Variants in XRN1 observed in about 807,000 individuals in gnomAD.
XRN1 encodes the protein strand-exchange protein 1 homolog.
XRN1 carries 67 observed loss-of-function variants against 222.3 expected under a neutral mutation model. That is an observed-to-expected ratio of 0.30 (90% CI 0.25 to 0.37). The LOEUF (loss-of-function observed/expected upper bound fraction) is 0.37, where lower values mean the gene tolerates loss of function less well. Among genes scored for constraint, XRN1 ranks in the 10% least tolerant of loss-of-function variants. The pLI, the probability that XRN1 is intolerant of heterozygous loss-of-function variation, is 1.00. For synonymous variants in XRN1, 643 were observed against 652.4 expected (o/e 0.99, Z 0.22); for missense variants, 1,707 against 2,000.2 (o/e 0.85, Z 2.80).
intron 1 of XRN1, among the ~76,000 whole-genome samples, chr3:142,438,582 C>T (rs1405307279): frequency 6.6e-6 from 1 of 152,068 alleles, no homozygotes; most frequent in Non-Finnish European, 1.5e-5. Context: ...AAACGTTCTC[C>T]CCCACAAGGC....
chr3:142,439,882 T>C (rs977281903), intron 1 of XRN1, among the ~76,000 whole-genome samples: 2 of 152,142 alleles, frequency 1.3e-5, no homozygotes, highest in Non-Finnish European at 2.9e-5. Flanking sequence ...AAGGACACTT[T>C]AAAAAAGATT....
chr3:142,381,794 T>C (rs1350892248), intron 22 of XRN1, among the ~76,000 whole-genome samples: 1 of 152,120 alleles, frequency 6.6e-6, no homozygotes, highest in African/African-American at 2.4e-5. Context: ...CTCGAACTCC[T>C]GGCCTCAAGT....
intron 29 of XRN1, among the ~76,000 whole-genome samples, chr3:142,364,447 T>C (rs2066754266): frequency 6.6e-6 from 1 of 152,210 alleles, no homozygotes; most frequent in African/African-American, 2.4e-5. Context: ...TCTGATTTTT[T>C]TTTTCACCAT....
In XRN1 at chr3:142,367,671, G is replaced by C. The variant is rs368549664; in HGVS notation, c.3205-2305C>G. Among the ~76,000 whole-genome samples, 7 of 151,854 alleles carry C rather than the reference G, an allele frequency of 4.6e-5. No individual in the cohort carries two copies. In the East Asian group the frequency reaches 1.4e-3, roughly 29 times the overall value. On this transcript the variant is annotated intron_variant, in intron 27 of 40. Transcript: ENST00000392981. ...AGTAATTCTCCTGCCTTGGCCTCCC[G>C]AGTAGCCAGGACCACAGGCGTGTGC...
Position 142,380,186 on chromosome 3 carries a change from A to G in XRN1, c.2617-6T>C, listed in dbSNP as rs753354086. ...ACATCACCTGAATCCTGAACCTTAG[A>G]AGAAAAAAAAATCACAGTATAGTCT... On this transcript the variant is annotated splice_region_variant and splice_polypyrimidine_tract_variant and intron_variant, in intron 22 of 40. Coordinates refer to ENST00000392981, the MANE Select transcript of XRN1 (RefSeq NM_001282857.2). 1.3e-5 allele frequency: 21 copies of G among 1,610,400 alleles called. No individual in the cohort carries two copies. In the South Asian group the frequency reaches 2.3e-4, roughly 18 times the overall value.
At chr3:142,395,971 CTGACTA>C (rs941066078) in intron 20 of XRN1, among the ~76,000 whole-genome samples, 1 of 152,144 alleles carries the variant, frequency 6.6e-6, no homozygotes, top group Admixed American at 6.5e-5. Flanking sequence ...GAAACTGTCC[CTGACTA>C]TGACAAATTC....
At chr3:142,364,761 C>T (rs953737159) in intron 29 of XRN1, among the ~76,000 whole-genome samples, 1 of 152,050 alleles carries the variant, frequency 6.6e-6, no homozygotes, top group Admixed American at 6.5e-5. Flanking sequence ...CATATGTATG[C>T]TCACCAAGAT....
intron 1 of XRN1, among the ~76,000 whole-genome samples, chr3:142,446,590 A>C (rs187951013): frequency 6.6e-6 from 1 of 152,372 alleles, no homozygotes; most frequent in East Asian, 1.9e-4. Context: ...GTATTAAATC[A>C]TCACGAATAA....
intron 18 of XRN1, among the ~76,000 whole-genome samples, chr3:142,402,619 A>G (rs924362321): frequency 6.6e-6 from 1 of 152,204 alleles, no homozygotes; most frequent in Non-Finnish European, 1.5e-5. Context: ...TATTGCTTAC[A>G]ATGAATGACT....
rs932041338 is a variant in XRN1 at position 142,330,170 on chromosome 3, T to A, written c.4223-555A>T. ...AAATGGCTTTCTTGTTTTGCAGAAG[T>A]AAGAAGAGAAAAATAAAAGAATGAA... On this transcript the variant is annotated intron_variant, in intron 36 of 40. Coordinates refer to ENST00000392981, the MANE Select transcript of XRN1 (RefSeq NM_001282857.2). 1.2e-4 allele frequency among the ~76,000 whole-genome samples: 19 copies of A among 152,252 alleles called. No individual in the cohort carries two copies. In the South Asian group the frequency reaches 2.1e-3, roughly 17 times the overall value.
chr3:142,362,080 T>G (rs1298703105), intron 29 of XRN1, among the ~76,000 whole-genome samples: 1 of 149,030 alleles, frequency 6.7e-6, no homozygotes, highest in Admixed American at 6.8e-5. Flanking sequence ...GAGATTCTCC[T>G]GCCTCAGCCT....
At chr3:142,439,710 T>C (rs1049662956) in intron 1 of XRN1, among the ~76,000 whole-genome samples, 3 of 150,138 alleles carry the variant, frequency 2.0e-5, no homozygotes, top group African/African-American at 7.4e-5. Flanking sequence ...TTTTTTATAA[T>C]AGAGATCAGG....
chr3:142,404,898 T>A lies in XRN1; in HGVS notation c.1883+9A>T. 1 of 1,613,572 alleles carries A rather than the reference T, an allele frequency of 6.2e-7. No homozygotes were observed. The highest frequency in any genetic ancestry group is 8.5e-7 in the Non-Finnish European group (1 of 1,179,768). ...CTTTTGTTGTTGAAAAATTACCAAG[T>A]AACATTACCTTGTACAACATCGTTC... On this transcript the variant is annotated intron_variant, in intron 16 of 40. Coordinates refer to ENST00000392981, the MANE Select transcript of XRN1 (RefSeq NM_001282857.2).
chr3:142,402,320 T>C (rs572022708), intron 18 of XRN1, among the ~76,000 whole-genome samples: 1 of 152,048 alleles, frequency 6.6e-6, no homozygotes, highest in South Asian at 2.1e-4. Flanking sequence ...GTAGCTGGGA[T>C]TACAGGCACC....
At chr3:142,417,031 A>T in intron 13 of XRN1, 109 bp downstream of exon 13, 2 of 816,624 alleles carry the variant, frequency 2.4e-6, no homozygotes, top group Non-Finnish European at 3.6e-6. Flanking sequence ...AAAAAAAAAA[A>T]AAAAAATTAC....
At position 142,318,786 on chromosome 3, in the gene XRN1, T is replaced by C; in HGVS notation, c.4518+4A>G. ...TTAATAGAGAAGTCATGGACAGTTCTTACCAACTGTTGTAAAGCAAAAAGT... is the reference window on the plus strand; with the variant it reads ...TTAATAGAGAAGTCATGGACAGTTCCTACCAACTGTTGTAAAGCAAAAAGT... On this transcript the variant is annotated splice_donor_region_variant and intron_variant, in intron 38 of 40. Transcript: ENST00000392981. The C allele has an allele frequency of 6.2e-7, 1 of 1,613,266 alleles. No homozygotes were observed. Among genetic ancestry groups the C allele is most frequent in the Non-Finnish European group, 8.5e-7 (1 of 1,179,300 alleles).
chr3:142,343,084 A>G (rs2066042220), intron 33 of XRN1, among the ~76,000 whole-genome samples: 1 of 152,212 alleles, frequency 6.6e-6, no homozygotes, highest in Non-Finnish European at 1.5e-5. Context: ...TAGGAAAAAA[A>G]TCTCATAATC....
At chr3:142,316,671 T>C (rs2065218645) in intron 39 of XRN1, among the ~76,000 whole-genome samples, 3 of 152,232 alleles carry the variant, frequency 2.0e-5, no homozygotes, top group African/African-American at 7.2e-5. Flanking sequence ...GGATTTCCAT[T>C]CATTGTATAA....
chr3:142,423,490 C>T (rs1298100268), intron 6 of XRN1, 70 bp downstream of exon 6: 6 of 1,266,618 alleles, frequency 4.7e-6, no homozygotes, highest in Non-Finnish European at 6.5e-6. Flanking sequence ...TATTTACAAA[C>T]ATGTATCTGT....
Sources: gnomAD v4.1 joint callset for allele counts (sites outside exome capture counted in the v4.1 genomes callset) on GRCh38, gnomAD v4.1.1 for gene constraint, MANE v1.5 for transcripts, NCBI Gene and HGNC (gene_info 2026-07-23, HGNC 2026-07-21) for gene names.